Variants in TOX2 observed in about 807,000 individuals in gnomAD.
The protein encoded by TOX2 is TOX high mobility group box family member 2.
In TOX2, 15 loss-of-function variants were observed where a neutral mutation model predicts 47.4. That is an observed-to-expected ratio of 0.32 (90% CI 0.21 to 0.49). TOX2 has a LOEUF of 0.49. TOX2 is among the 20% of genes least tolerant of loss of function. TOX2 has a pLI of 0.99. For missense variants in TOX2, 622 were observed against 673.1 expected (o/e 0.92, Z 0.84); for synonymous variants, 290 against 296.6 (o/e 0.98, Z 0.23).
chr20:43,918,114 C>G (rs1335161741), intron 1 of TOX2, among the ~76,000 whole-genome samples: 1 of 152,156 alleles, frequency 6.6e-6, no homozygotes, highest in Non-Finnish European at 1.5e-5. Context: ...GGTTTAGAGC[C>G]TGTAACATCT....
chr20:43,968,392 A>C (rs1286550639), intron 1 of TOX2, among the ~76,000 whole-genome samples: 1 of 152,170 alleles, frequency 6.6e-6, no homozygotes, highest in Non-Finnish European at 1.5e-5. Context: ...AGGGCTCCTC[A>C]CCTTGGCTGC....
intron 1 of TOX2, among the ~76,000 whole-genome samples, chr20:43,972,447 A>G (rs938045662): frequency 1.3e-5 from 2 of 152,172 alleles, no homozygotes; most frequent in African/African-American, 4.8e-5. Flanking sequence ...TAATAGCCAC[A>G]TGCATCTGAA....
intron 1 of TOX2, among the ~76,000 whole-genome samples, chr20:43,927,458 A>AACACACAC (rs34410581): frequency 0.017 from 2,259 of 131,426 alleles, 35 homozygotes; most frequent in Non-Finnish European, 0.027. Context: ...TGATCTATAT[A>AACACACAC]ACACACACAC....
intron 3 of TOX2, among the ~76,000 whole-genome samples, chr20:44,014,335 G>C (rs1456472376): frequency 2.0e-5 from 3 of 152,048 alleles, no homozygotes; most frequent in Non-Finnish European, 4.4e-5. Flanking sequence ...CAGAGTAAGG[G>C]GTGGAGAAAT....
chr20:43,995,306 G>T (rs117660089), intron 2 of TOX2, among the ~76,000 whole-genome samples: 1 of 151,958 alleles, frequency 6.6e-6, no homozygotes, highest in South Asian at 2.1e-4. Flanking sequence ...AATTTGACTC[G>T]GTCATTATGG....
At chr20:43,991,401 C>T (rs1389023739) in intron 2 of TOX2, among the ~76,000 whole-genome samples, 2 of 152,192 alleles carry the variant, frequency 1.3e-5, no homozygotes, top group East Asian at 3.8e-4. Context: ...ATTTACTAAG[C>T]ACCTACTGTG....
intron 5 of TOX2, among the ~76,000 whole-genome samples, chr20:44,063,667 A>G (rs1034968009): frequency 6.6e-6 from 1 of 152,168 alleles, no homozygotes; most frequent in African/African-American, 2.4e-5. Context: ...TAGCAGCCCA[A>G]TTTGCAATTG....
Position 44,068,891 on chromosome 20 carries a change from A to T in TOX2, c.*205A>T. On this transcript the variant is annotated 3_prime_UTR_variant, in exon 9 of 9. Transcript: ENST00000341197. ...CCCACTGCCCACCACCAGCCCAAAGAACCTGCAGGAACCTTCCGCCCGCTG... is the reference window on the plus strand; with the variant it reads ...CCCACTGCCCACCACCAGCCCAAAGTACCTGCAGGAACCTTCCGCCCGCTG... The T allele has an allele frequency of 1.4e-6, 1 of 736,640 alleles. No individual in the cohort carries two copies. Among genetic ancestry groups the T allele is most frequent in the Non-Finnish European group, 2.4e-6 (1 of 408,308 alleles). 45.6% of individuals were successfully genotyped at this position (736,640 alleles called of 1,614,324 possible). A position where few individuals can be genotyped will look rare whatever the true frequency, so the allele number is the denominator to read the frequency against.
intron 1 of TOX2, chr20:43,955,356 G>T (rs1410254443): frequency 3.5e-5 from 34 of 962,948 alleles, no homozygotes; most frequent in Non-Finnish European, 4.1e-5. Flanking sequence ...GAAACCCGTT[G>T]TTTCCCCTTG....
intron 1 of TOX2, among the ~76,000 whole-genome samples, chr20:43,918,742 G>A (rs1337267324): frequency 3.3e-5 from 5 of 152,154 alleles, no homozygotes; most frequent in African/African-American, 1.2e-4. Context: ...TCACCTGCAG[G>A]TGGACATTTG....
chr20:44,045,186 G>T (rs936799257), intron 3 of TOX2, among the ~76,000 whole-genome samples: 3 of 152,170 alleles, frequency 2.0e-5, no homozygotes, highest in African/African-American at 4.8e-5. Flanking sequence ...GCAGACGGCT[G>T]CTGGTGATGG....
At chr20:44,027,307 G>A (rs904828287) in intron 3 of TOX2, among the ~76,000 whole-genome samples, 1 of 152,082 alleles carries the variant, frequency 6.6e-6, no homozygotes, top group Non-Finnish European at 1.5e-5. Flanking sequence ...TCAGGGGAGG[G>A]GGTGGGTCAC....
intron 2 of TOX2, among the ~76,000 whole-genome samples, chr20:43,974,664 G>C (rs1306593373): frequency 6.6e-6 from 1 of 152,226 alleles, no homozygotes; most frequent in Non-Finnish European, 1.5e-5. Flanking sequence ...GGCAATAGAA[G>C]CCTATTAATT....
At chr20:44,026,248 T>TATATATATATATATATATAC (rs750976068) in intron 3 of TOX2, among the ~76,000 whole-genome samples, 1 of 67,726 alleles carries the variant, frequency 1.5e-5, no homozygotes, top group African/African-American at 7.2e-5. Context: ...TATATATATA[T>TATATATATATATATATATAC]AGACACACAC....
At chr20:43,947,973 G>T (rs1020746387) in intron 1 of TOX2, among the ~76,000 whole-genome samples, 11 of 152,208 alleles carry the variant, frequency 7.2e-5, no homozygotes, top group Non-Finnish European at 5.9e-5. Context: ...TTAAGACCTT[G>T]TTTTAAGTCA....
intron 5 of TOX2, among the ~76,000 whole-genome samples, chr20:44,055,327 T>TGAGA (rs2071597461): frequency 6.6e-6 from 1 of 152,124 alleles, no homozygotes; most frequent in Non-Finnish European, 1.5e-5. Context: ...ACATAGTTCA[T>TGAGA]GAGAGTGGAA....
chr20:44,045,338 C>G (rs1266634529), intron 3 of TOX2, among the ~76,000 whole-genome samples: 2 of 107,886 alleles, frequency 1.9e-5, no homozygotes, highest in African/African-American at 6.5e-5. Context: ...CTTTCTAGAG[C>G]TTACAAAGTT....
chr20:44,018,176 C>T (rs1438391970), intron 3 of TOX2, among the ~76,000 whole-genome samples: 1 of 152,180 alleles, frequency 6.6e-6, no homozygotes, highest in Non-Finnish European at 1.5e-5. Flanking sequence ...CTGTTCAGAC[C>T]TGATCACCAC....
intron 2 of TOX2, among the ~76,000 whole-genome samples, chr20:43,995,616 A>T (rs1206473145): frequency 6.6e-6 from 1 of 152,138 alleles, no homozygotes; most frequent in Non-Finnish European, 1.5e-5. Context: ...TTTGTCACCC[A>T]GGTATTCAGC....
Sources: gnomAD v4.1 joint callset for allele counts (sites outside exome capture counted in the v4.1 genomes callset) on GRCh38, gnomAD v4.1.1 for gene constraint, MANE v1.5 for transcripts, NCBI Gene and HGNC (gene_info 2026-07-23, HGNC 2026-07-21) for gene names.